Variants in PDS5A observed in about 807,000 individuals in gnomAD.
The protein encoded by PDS5A is PDS5 cohesin associated factor A.
A neutral mutation model predicts 167.1 loss-of-function variants in PDS5A; 42 were observed. That is an observed-to-expected ratio of 0.25 (90% CI 0.20 to 0.33). PDS5A has a LOEUF of 0.33. PDS5A is among the 10% of genes least tolerant of loss of function. The pLI is 1.00. For missense variants in PDS5A, 1,033 were observed against 1,605.9 expected (o/e 0.64, Z 6.10); for synonymous variants, 553 against 554.6 (o/e 1.00, Z 0.04).
At chr4:39,835,409 T>C (rs913112974) in intron 32 of PDS5A, among the ~76,000 whole-genome samples, 1 of 152,242 alleles carries the variant, frequency 6.6e-6, no homozygotes, top group Non-Finnish European at 1.5e-5. Context: ...TTTGATGATA[T>C]TGGGGCACAT....
chr4:39,828,341 T>C (rs1715500222), intron 32 of PDS5A, among the ~76,000 whole-genome samples: 1 of 152,224 alleles, frequency 6.6e-6, no homozygotes, highest in Non-Finnish European at 1.5e-5. Flanking sequence ...GAATTTTGCA[T>C]ATCTTCCTCT....
chr4:39,854,560 T>C (rs1718379336), intron 26 of PDS5A, among the ~76,000 whole-genome samples: 1 of 152,202 alleles, frequency 6.6e-6, no homozygotes, highest in Non-Finnish European at 1.5e-5. Context: ...GCTCTACAGA[T>C]TATTTTTTTC....
At chr4:39,965,383 T>C (rs982827099) in intron 2 of PDS5A, among the ~76,000 whole-genome samples, 2 of 152,126 alleles carry the variant, frequency 1.3e-5, no homozygotes, top group Admixed American at 1.3e-4. Flanking sequence ...TGAATACCAA[T>C]GAGTGAGCCC....
chr4:39,930,262 G>GTTTTTT (rs1194110821), intron 2 of PDS5A, among the ~76,000 whole-genome samples: 10 of 74,944 alleles, frequency 1.3e-4, no homozygotes, highest in Non-Finnish European at 2.5e-4. Flanking sequence ...TTTGTTTTTT[G>GTTTTTT]TTTTTTTTTT....
chr4:39,962,262 T>C (rs1339729518), intron 2 of PDS5A, among the ~76,000 whole-genome samples: 1 of 151,762 alleles, frequency 6.6e-6, no homozygotes, highest in Non-Finnish European at 1.5e-5. Flanking sequence ...TTCACTGTGT[T>C]AGCCAGGATG....
chr4:39,929,518 A>ATTATAT (rs1725770084), intron 2 of PDS5A, among the ~76,000 whole-genome samples: 1 of 22,766 alleles, frequency 4.4e-5, no homozygotes, highest in Non-Finnish European at 7.0e-5. Flanking sequence ...TACTTAATAA[A>ATTATAT]CTATATATAT....
At chr4:39,917,256 A>G (rs1724475750) in intron 7 of PDS5A, 68 bp from the exon 8 acceptor site, 4 of 1,042,134 alleles carry the variant, frequency 3.8e-6, no homozygotes, top group Non-Finnish European at 5.5e-6. Flanking sequence ...CATTTTTAAT[A>G]AACATTTTTT....
At chr4:39,884,935 T>G (rs1232901902) in intron 17 of PDS5A, among the ~76,000 whole-genome samples, 1 of 152,084 alleles carries the variant, frequency 6.6e-6, no homozygotes, top group Admixed American at 6.6e-5. Flanking sequence ...TTGATTATAT[T>G]TAGAATGATT....
At chr4:39,920,964 T>C (rs1054157108) in intron 6 of PDS5A, among the ~76,000 whole-genome samples, 1 of 152,192 alleles carries the variant, frequency 6.6e-6, no homozygotes, top group Non-Finnish European at 1.5e-5. Flanking sequence ...TTAGAAAATA[T>C]ATTATTTAAT....
intron 9 of PDS5A, 117 bp downstream of exon 9, chr4:39,913,494 G>T: frequency 1.7e-6 from 1 of 600,060 alleles, no homozygotes; most frequent in South Asian, 2.3e-5. Context: ...AAACACAGAT[G>T]ACAATGAAAC....
At chr4:39,868,824 G>A in intron 22 of PDS5A, 1 of 375,732 alleles carries the variant, frequency 2.7e-6, no homozygotes, top group Non-Finnish European at 5.2e-6. Context: ...AATATATGAT[G>A]ATGATGAAGC....
chr4:39,880,282 A>G (rs1720821274), intron 17 of PDS5A, among the ~76,000 whole-genome samples: 1 of 152,198 alleles, frequency 6.6e-6, no homozygotes, highest in African/African-American at 2.4e-5. Context: ...ATTTCTATAA[A>G]CTTACAGCAA....
At chr4:39,942,020 G>GC (rs1293253680) in intron 2 of PDS5A, among the ~76,000 whole-genome samples, 1 of 152,118 alleles carries the variant, frequency 6.6e-6, no homozygotes, top group Non-Finnish European at 1.5e-5. Flanking sequence ...GGCCCTTATT[G>GC]CATCATACCC....
chr4:39,888,698 A>AAC (rs1553896436), intron 17 of PDS5A, among the ~76,000 whole-genome samples: 1 of 152,112 alleles, frequency 6.6e-6, no homozygotes, highest in African/African-American at 2.4e-5. Context: ...AACAAAAAAA[A>AAC]AACAAATATT....
At chr4:39,829,363 A>T (rs1715603442) in intron 32 of PDS5A, among the ~76,000 whole-genome samples, 1 of 152,144 alleles carries the variant, frequency 6.6e-6, no homozygotes, top group Non-Finnish European at 1.5e-5. Flanking sequence ...TCAAAACATC[A>T]GCTGAGGCCG....
In PDS5A at chr4:39,970,790, C is replaced by CCTTT. The variant is rs1553911026; in HGVS notation, c.138+5649_138+5650insAAAG. 2.1e-4 allele frequency among the ~76,000 whole-genome samples: 19 copies of CCTTT among 88,496 alleles called. 1 individual carries two copies. In the South Asian group the frequency reaches 3.3e-3, roughly 15 times the overall value. 58.1% of individuals were successfully genotyped at this position (88,496 alleles called of 152,430 possible). On this transcript the variant is annotated intron_variant, in intron 2 of 32. Transcript: ENST00000303538. ...GGTTCCACTGTAAAACCGCTTGTTC[C>CCTTT]TTTTTTTTTTTTTTTTTTTTTTTTT...
chr4:39,874,554 TA>T lies in PDS5A; in HGVS notation c.2154-143del. The T allele has an allele frequency of 4.6e-6, 3 of 647,950 alleles. No homozygotes were observed. The Middle Eastern group carries it at 1.4e-3, about 300-fold the overall frequency. 40.1% of individuals were successfully genotyped at this position (647,950 alleles called of 1,614,324 possible). ...AAATTATCTGATCTAAAGAAAGTTG[TA>T]AAAAAGCTCCATCTCTGCCCCCAAG... is the stretch of plus-strand genomic sequence containing the variant. On this transcript the variant is annotated intron_variant, in intron 19 of 32. Transcript: ENST00000303538.
intron 2 of PDS5A, among the ~76,000 whole-genome samples, chr4:39,955,598 C>T (rs1031628537): frequency 2.0e-5 from 3 of 151,582 alleles, no homozygotes; most frequent in Non-Finnish European, 4.4e-5. Flanking sequence ...GAGACTCTGT[C>T]ATAAAAAAAC....
intron 8 of PDS5A, among the ~76,000 whole-genome samples, chr4:39,914,673 CCA>C (rs1329564443): frequency 6.6e-6 from 1 of 152,116 alleles, no homozygotes; most frequent in Non-Finnish European, 1.5e-5. Flanking sequence ...AAATTCTGTT[CCA>C]GTTTCAGTAG....
Sources: allele counts gnomAD v4.1 joint callset (sites outside exome capture counted in the v4.1 genomes callset), GRCh38; gene constraint gnomAD v4.1.1; transcripts MANE v1.5; gene names NCBI Gene and HGNC (gene_info 2026-07-23, HGNC 2026-07-21).